The following DESI2 variants were observed in gnomAD, a reference collection of about 807,000 sequenced individuals.
DESI2 encodes the protein desumoylating isopeptidase 2.
A neutral mutation model predicts 24.1 loss-of-function variants in DESI2; 10 were observed. That is an observed-to-expected ratio of 0.41 (90% CI 0.26 to 0.70). The LOEUF is 0.70. Ranked by LOEUF, DESI2 falls within the 30% of genes least tolerant of loss-of-function variation. The pLI is 0.29. For synonymous variants in DESI2, 71 were observed against 87.7 expected (o/e 0.81, Z 1.06); for missense variants, 122 against 234.9 (o/e 0.52, Z 3.14).
At chr1:244,675,772 G>A (rs2148795044) in intron 1 of DESI2, among the ~76,000 whole-genome samples, 1 of 152,210 alleles carries the variant, frequency 6.6e-6, no homozygotes, top group African/African-American at 2.4e-5. Context: ...ATTTCCATAT[G>A]AATTTTTAAA....
At chr1:244,687,552 A>G (rs1168338735) in intron 2 of DESI2, among the ~76,000 whole-genome samples, 2 of 152,242 alleles carry the variant, frequency 1.3e-5, no homozygotes, top group African/African-American at 2.4e-5. Context: ...ACCCCTGAAC[A>G]CTATACACCA....
chr1:244,703,958 C>G (rs1372815680), intron 4 of DESI2, among the ~76,000 whole-genome samples: 2 of 151,996 alleles, frequency 1.3e-5, no homozygotes, highest in Non-Finnish European at 2.9e-5. Flanking sequence ...CGCGCTGGGC[C>G]GAAATATTTT....
At chr1:244,672,706 A>G (rs967296868) in intron 1 of DESI2, among the ~76,000 whole-genome samples, 4 of 152,002 alleles carry the variant, frequency 2.6e-5, no homozygotes, top group Non-Finnish European at 5.9e-5. Flanking sequence ...GTGAAACCCC[A>G]TCTCTACTGA....
At chr1:244,678,803 A>T (rs1676501683) in intron 1 of DESI2, among the ~76,000 whole-genome samples, 2 of 152,222 alleles carry the variant, frequency 1.3e-5, no homozygotes, top group African/African-American at 4.8e-5. Flanking sequence ...AGCCCACTTT[A>T]AAATAGAGCC....
rs186095822 is a variant in DESI2, at chr1:244,689,094, C to T, written c.116-155C>T. ...GGGTCTTTTGTGACAACTGTTTATA[C>T]GAGTAATAGCTAAGTGAGATATTTG... On this transcript the variant is annotated intron_variant, in intron 2 of 4. Coordinates refer to ENST00000302550, the MANE Select transcript of DESI2 (RefSeq NM_016076.5). The surrounding 1 kb of genome is among the most constrained non-coding windows in gnomAD (Gnocchi z 4.0). Among the ~76,000 whole-genome samples, 6 of 152,226 alleles carry T rather than the reference C, an allele frequency of 3.9e-5. No individual in the cohort carries two copies. Among genetic ancestry groups the T allele is most frequent in the Admixed American group, 3.3e-4 (5 of 15,286 alleles).
At chr1:244,663,302 G>T (rs922853943) in intron 1 of DESI2, among the ~76,000 whole-genome samples, 5 of 151,564 alleles carry the variant, frequency 3.3e-5, no homozygotes, top group African/African-American at 9.7e-5. Flanking sequence ...TCAGTCTTCT[G>T]AGTAGCTGGG....
intron 1 of DESI2, among the ~76,000 whole-genome samples, chr1:244,676,868 C>A (rs1433710449): frequency 7.0e-6 from 1 of 143,116 alleles, no homozygotes; most frequent in African/African-American, 2.6e-5. Flanking sequence ...TTTTCTTTGT[C>A]TATTGGGATG....
At chr1:244,676,344 T>C (rs1051655922) in intron 1 of DESI2, among the ~76,000 whole-genome samples, 6 of 149,842 alleles carry the variant, frequency 4.0e-5, no homozygotes, top group Admixed American at 6.7e-5. Flanking sequence ...CCCAAAGTGC[T>C]GGGATTACAG....
intron 1 of DESI2, among the ~76,000 whole-genome samples, chr1:244,679,193 CCA>C (rs1325228002): frequency 6.6e-6 from 1 of 152,016 alleles, no homozygotes; most frequent in East Asian, 1.9e-4. Flanking sequence ...CAGGCACGCA[CCA>C]CCACTTCCAG....
At chr1:244,684,869 C>T (rs1441292385) in intron 1 of DESI2, among the ~76,000 whole-genome samples, 1 of 152,134 alleles carries the variant, frequency 6.6e-6, no homozygotes, top group African/African-American at 2.4e-5. Context: ...GCTGCCCAAA[C>T]TCTGGGATTA....
At chr1:244,692,151 A>G (rs1677051952) in intron 4 of DESI2, 131 bp downstream of exon 4, 2 of 799,124 alleles carry the variant, frequency 2.5e-6, no homozygotes, top group Non-Finnish European at 3.8e-6. Flanking sequence ...ATGGTATTGT[A>G]TTTCAATCTT....
intron 1 of DESI2, among the ~76,000 whole-genome samples, chr1:244,683,600 C>T (rs186571859): frequency 2.7e-4 from 41 of 152,252 alleles, no homozygotes; most frequent in South Asian, 2.7e-3. Flanking sequence ...CGTGAGCCAC[C>T]GCGCCCAGCC....
At chr1:244,661,165 A>G (rs1675826260) in intron 1 of DESI2, among the ~76,000 whole-genome samples, 2 of 152,196 alleles carry the variant, frequency 1.3e-5, no homozygotes, top group South Asian at 4.1e-4. Context: ...ACTAAACAAC[A>G]ACTCCCCATT....
intron 4 of DESI2, among the ~76,000 whole-genome samples, chr1:244,701,758 A>G (rs956058466): frequency 6.6e-6 from 1 of 152,204 alleles, no homozygotes; most frequent in African/African-American, 2.4e-5. Flanking sequence ...TTTTTCACTA[A>G]TAGTATATCC....
chr1:244,706,202 G>T lies in DESI2; in HGVS notation c.*413G>T. 5.5e-6 allele frequency: 1 copy of T among 180,326 alleles called. No homozygotes were observed. Among genetic ancestry groups the T allele is most frequent in the Non-Finnish European group, 1.2e-5 (1 of 84,322 alleles). The allele number at this position is 180,326 out of a possible 1,614,324, so 11.2% of individuals were successfully genotyped here. On this transcript the variant is annotated 3_prime_UTR_variant, in exon 5 of 5. Coordinates refer to ENST00000302550, the MANE Select transcript of DESI2 (RefSeq NM_016076.5). The stretch of plus-strand genomic sequence containing the variant: ...ATTGCCAGATCTATGGCATAAATAG[G>T]CACACAAAAAGGTACTTAAACAGTT...
chr1:244,664,522 G>GT (rs1434786728), intron 1 of DESI2, among the ~76,000 whole-genome samples: 2 of 152,212 alleles, frequency 1.3e-5, no homozygotes, highest in Non-Finnish European at 2.9e-5. Context: ...GAGGTGGGTG[G>GT]TAGTGGGACC....
intron 4 of DESI2, among the ~76,000 whole-genome samples, chr1:244,697,460 G>A (rs747078944): frequency 1.4e-5 from 2 of 139,790 alleles, no homozygotes; most frequent in Admixed American, 7.5e-5. Context: ...CTGGGTGACA[G>A]AGGGAGCCTC....
At chr1:244,665,688 C>G (rs914423714) in intron 1 of DESI2, among the ~76,000 whole-genome samples, 7 of 152,176 alleles carry the variant, frequency 4.6e-5, no homozygotes, top group African/African-American at 1.7e-4. Flanking sequence ...TTCATCCAGT[C>G]AGTTGAAGGC....
At chr1:244,694,384 T>C (rs1677134732) in intron 4 of DESI2, 2 of 638,956 alleles carry the variant, frequency 3.1e-6, no homozygotes, top group South Asian at 2.8e-5. Flanking sequence ...ATAAAATTTT[T>C]TTTTTTAAAC....
Sources: allele counts gnomAD v4.1 joint callset (sites outside exome capture counted in the v4.1 genomes callset), GRCh38; gene constraint gnomAD v4.1.1; non-coding constraint Gnocchi (gnomAD v3.1); transcripts MANE v1.5; gene names NCBI Gene and HGNC (gene_info 2026-07-23, HGNC 2026-07-21).